Variants in IPCEF1 observed in about 807,000 individuals in gnomAD.
The protein encoded by IPCEF1 is interactor protein for cytohesin exchange factors 1.
A neutral mutation model predicts 50.9 loss-of-function variants in IPCEF1; 31 were observed. That is an observed-to-expected ratio of 0.61 (90% confidence interval 0.46 to 0.82). The LOEUF (loss-of-function observed/expected upper bound fraction) is 0.82. Ranked by LOEUF, IPCEF1 falls within the 40% of genes least tolerant of loss-of-function variation. The pLI, the probability that IPCEF1 is intolerant of heterozygous loss-of-function variation, is 0.00. For missense variants in IPCEF1, 458 were observed against 514.0 expected, an observed-to-expected ratio of 0.89 and a Z score of 1.05; for synonymous variants, 181 against 192.0, an observed-to-expected ratio of 0.94 and a Z score of 0.47.
chr6:154,203,220 G>A (rs141237132), intron 9 of IPCEF1, among the ~76,000 whole-genome samples: 14 of 152,140 alleles, frequency 9.2e-5, no homozygotes, highest in East Asian at 3.9e-4. Flanking sequence ...TCTCCTCTCC[G>A]CCCCACCTCT....
At chr6:154,194,528 C>A (rs2281620) in intron 10 of IPCEF1, among the ~76,000 whole-genome samples, 102,338 of 151,714 alleles carry the variant, frequency 0.67, 35,187 homozygotes, top group East Asian at 0.89. Flanking sequence ...AACTCCTCAA[C>A]CCCTCCTACT....
chr6:154,284,970 A>G (rs977370031), intron 2 of IPCEF1, among the ~76,000 whole-genome samples: 3 of 152,198 alleles, frequency 2.0e-5, no homozygotes, highest in African/African-American at 7.2e-5. Context: ...ACTGCACTCC[A>G]GCCTGGGTGA....
rs1032859995 is a variant in IPCEF1 at position 154,159,748 on chromosome 6, T to C, written c.*80A>G. On this transcript the variant is annotated 3_prime_UTR_variant, in exon 12 of 12. Transcript: ENST00000367220. The stretch of plus-strand genomic sequence containing the variant: ...AAGGACTGGGTTTCAGTTTTCCTTT[T>C]AAGGAAAAATGTAAGCTTTTGCAAC... 8 of 1,138,282 alleles carry C rather than the reference T, an allele frequency of 7.0e-6. No homozygotes were observed. The South Asian group carries it at 1.1e-4, about 16-fold the overall frequency. The allele number at this position is 1,138,282 out of a possible 1,614,324, so 70.5% of individuals were successfully genotyped here.
chr6:154,333,737 GTATA>G (rs966407609), intron 1 of IPCEF1, among the ~76,000 whole-genome samples: 1 of 151,246 alleles, frequency 6.6e-6, no homozygotes, highest in South Asian at 2.1e-4. Flanking sequence ...ATATGTGTAT[GTATA>G]TATATGTGTA....
chr6:154,300,463 A>C (rs528906801), intron 1 of IPCEF1, among the ~76,000 whole-genome samples: 20 of 152,266 alleles, frequency 1.3e-4, no homozygotes, highest in African/African-American at 4.8e-4. Context: ...AAAATGTAAA[A>C]ATTAGCCAGG....
intron 1 of IPCEF1, among the ~76,000 whole-genome samples, chr6:154,339,482 C>A (rs1783858733): frequency 6.6e-6 from 1 of 150,834 alleles, no homozygotes; most frequent in Non-Finnish European, 1.5e-5. Context: ...GCTATATTGC[C>A]CAAGCTGGCC....
chr6:154,247,899 C>A (rs1210956954), intron 3 of IPCEF1, among the ~76,000 whole-genome samples: 1 of 152,110 alleles, frequency 6.6e-6, no homozygotes, highest in Non-Finnish European at 1.5e-5. Flanking sequence ...TTCAGATAAA[C>A]CTGGAAGATA....
intron 3 of IPCEF1, among the ~76,000 whole-genome samples, chr6:154,260,917 G>A (rs1407017402): frequency 6.6e-6 from 1 of 152,130 alleles, no homozygotes; most frequent in African/African-American, 2.4e-5. Flanking sequence ...AGTGTGATTC[G>A]AGGAAACTTT....
At chr6:154,347,361 G>A (rs1490372997) in intron 1 of IPCEF1, among the ~76,000 whole-genome samples, 1 of 152,202 alleles carries the variant, frequency 6.6e-6, no homozygotes, top group Non-Finnish European at 1.5e-5. Context: ...GGGTGACCTT[G>A]AGCCAGGTTT....
intron 1 of IPCEF1, among the ~76,000 whole-genome samples, chr6:154,337,091 C>A (rs1337220643): frequency 6.6e-6 from 1 of 151,922 alleles, no homozygotes; most frequent in African/African-American, 2.4e-5. Flanking sequence ...ATGCATGTAA[C>A]AAAATATCAT....
chr6:154,270,695 G>A (rs1346389699), intron 2 of IPCEF1, among the ~76,000 whole-genome samples: 1 of 152,050 alleles, frequency 6.6e-6, no homozygotes, highest in Non-Finnish European at 1.5e-5. Context: ...TGTATTCTTG[G>A]CCAGGTACGG....
chr6:154,156,459 C>T lies in IPCEF1; in HGVS notation c.*3369G>A, dbSNP rs1250271178. On this transcript the variant is annotated 3_prime_UTR_variant, in exon 12 of 12. Transcript: ENST00000367220. ...CAGAGAGCCGCTGGGAGTCCTGAGACTCAAGTTCCTGCTTCATCACTGGGG... is the reference window on the plus strand; with the variant it reads ...CAGAGAGCCGCTGGGAGTCCTGAGATTCAAGTTCCTGCTTCATCACTGGGG... 2 of 152,256 alleles carry T rather than the reference C, an allele frequency of 1.3e-5. No homozygotes were observed. Among genetic ancestry groups the T allele is most frequent in the Non-Finnish European group, 2.9e-5 (2 of 68,104 alleles). 9.4% of individuals were successfully genotyped at this position (152,256 alleles called of 1,614,324 possible).
In IPCEF1 at chr6:154,324,467, A is replaced by G. The variant is rs149679800; in HGVS notation, c.-62+32205T>C. ...AGAAAATCATAAAACTATTCCAGAT[A>G]AGTGTAGGATAATTTATTCCTTTTT... On this transcript the variant is annotated intron_variant, in intron 1 of 11. Coordinates refer to ENST00000367220, the MANE Select transcript of IPCEF1 (RefSeq NM_001130700.2). Among the ~76,000 whole-genome samples, 100 of 152,294 alleles carry G rather than the reference A, an allele frequency of 6.6e-4. No individual in the cohort carries two copies. In the East Asian group the frequency reaches 7.7e-3, roughly 12 times the overall value.
At chr6:154,329,133 C>T (rs942793014) in intron 1 of IPCEF1, among the ~76,000 whole-genome samples, 32 of 152,132 alleles carry the variant, frequency 2.1e-4, no homozygotes, top group Admixed American at 2.1e-3. Flanking sequence ...AAAAATCTGC[C>T]ACGTGCAGTG....
Position 154,159,783 on chromosome 6 carries a change from A to C in IPCEF1, c.*45T>G, listed in dbSNP as rs575111588. On this transcript the variant is annotated 3_prime_UTR_variant, in exon 12 of 12. Coordinates refer to ENST00000367220, the MANE Select transcript of IPCEF1 (RefSeq NM_001130700.2). ...TGTAAGCTTTTGCAACATCTTGAAG[A>C]GTTGCTTGTGATAAAATATAAGAGG... The C allele has an allele frequency of 1.1e-5, 16 of 1,431,528 alleles. No homozygotes were observed. In the African/African-American group the frequency reaches 2.1e-4, roughly 19 times the overall value. The allele number at this position is 1,431,528 out of a possible 1,614,324, so 88.7% of individuals were successfully genotyped here.
rs543879941 is a variant in IPCEF1 at position 154,342,930 on chromosome 6, G to A, written c.-62+13742C>T. On this transcript the variant is annotated intron_variant, in intron 1 of 11. Coordinates refer to ENST00000367220, the MANE Select transcript of IPCEF1 (RefSeq NM_001130700.2). ...GAGTTTAAGACCAGCCTGGGCATAC[G>A]GCAAGACCCTGTCTCTACAGAAAAT... 5.3e-5 allele frequency among the ~76,000 whole-genome samples: 8 copies of A among 152,204 alleles called. No individual in the cohort carries two copies. The South Asian group carries it at 1.2e-3, about 24-fold the overall frequency.
At chr6:154,353,884 C>T (rs565045755) in intron 1 of IPCEF1, among the ~76,000 whole-genome samples, 5 of 152,134 alleles carry the variant, frequency 3.3e-5, no homozygotes, top group African/African-American at 1.2e-4. Flanking sequence ...CTTTATATAC[C>T]ACCATGTGTT....
intron 5 of IPCEF1, among the ~76,000 whole-genome samples, chr6:154,232,286 T>C (rs1779784009): frequency 6.6e-6 from 1 of 152,238 alleles, no homozygotes; most frequent in African/African-American, 2.4e-5. Flanking sequence ...CTGTGTTTTA[T>C]TTTCTTCTAG....
Position 154,317,545 on chromosome 6 carries a change from T to C in IPCEF1, c.-61-27789A>G, listed in dbSNP as rs529724212. On this transcript the variant is annotated intron_variant, in intron 1 of 11. Transcript: ENST00000367220. ...ACCTGGGCGACAGTGAGAGACTCCA[T>C]CTCAAAAAAAAAAAAAAAAAAAAAA... Among the ~76,000 whole-genome samples, 7 of 47,658 alleles carry C rather than the reference T, an allele frequency of 1.5e-4. No homozygotes were observed. In the South Asian group the frequency reaches 4.1e-3, roughly 28 times the overall value. 31.3% of individuals were successfully genotyped at this position (47,658 alleles called of 152,430 possible).
Sources: gnomAD v4.1 joint callset for allele counts (sites outside exome capture counted in the v4.1 genomes callset) on GRCh38, gnomAD v4.1.1 for gene constraint, MANE v1.5 for transcripts, NCBI Gene and HGNC (gene_info 2026-07-23, HGNC 2026-07-21) for gene names.